Variants in ROBO2 observed in about 807,000 individuals in gnomAD.
ROBO2 encodes the protein roundabout homolog 2.
ROBO2 carries 53 observed loss-of-function variants against 160.8 expected under a neutral mutation model. The ratio of observed to expected loss-of-function variants is 0.33; its 90% CI spans 0.26 to 0.41. The LOEUF is 0.41. Ranked by LOEUF, ROBO2 falls within the 10% of genes least tolerant of loss-of-function variation. The pLI is 1.00. For missense variants in ROBO2, 1,577 were observed against 1,722.4 expected, an observed-to-expected ratio of 0.92 and a Z score of 1.49; for synonymous variants, 664 against 611.7, an observed-to-expected ratio of 1.09 and a Z score of -1.26.
At chr3:76,428,185 C>T (rs1453734927) in intron 2 of ROBO2, among the ~76,000 whole-genome samples, 2 of 152,022 alleles carry the variant, frequency 1.3e-5, no homozygotes, top group South Asian at 2.1e-4. Context: ...TCCATCTGCC[C>T]ACATACCTGA....
intron 2 of ROBO2, among the ~76,000 whole-genome samples, chr3:76,001,719 A>C (rs2065894260): frequency 6.6e-6 from 1 of 152,050 alleles, no homozygotes; most frequent in Admixed American, 6.6e-5. Flanking sequence ...AATTGTTTAT[A>C]TTTTTAGTAG....
At chr3:76,584,771 A>C (rs1282395468) in intron 2 of ROBO2, among the ~76,000 whole-genome samples, 2 of 152,028 alleles carry the variant, frequency 1.3e-5, no homozygotes, top group African/African-American at 4.8e-5. Flanking sequence ...ACCATCCACC[A>C]CCTGGCCTTG....
chr3:77,544,629 A>G (rs2092624811), intron 6 of ROBO2, among the ~76,000 whole-genome samples: 1 of 152,092 alleles, frequency 6.6e-6, no homozygotes, highest in Non-Finnish European at 1.5e-5. Flanking sequence ...GGGCTGATCT[A>G]CGTTTACCCC....
intron 2 of ROBO2, among the ~76,000 whole-genome samples, chr3:76,633,354 A>T (rs1242714615): frequency 6.6e-6 from 1 of 152,186 alleles, no homozygotes; most frequent in Non-Finnish European, 1.5e-5. Context: ...AGATCCCCTG[A>T]TATTTGTGAA....
intron 2 of ROBO2, among the ~76,000 whole-genome samples, chr3:77,153,272 T>G (rs1002527985): frequency 3.3e-5 from 5 of 152,168 alleles, no homozygotes; most frequent in Non-Finnish European, 5.9e-5. Context: ...ATATCGTTAC[T>G]GGTTATATGT....
At chr3:76,794,722 G>A (rs1373040925) in intron 2 of ROBO2, among the ~76,000 whole-genome samples, 4 of 151,930 alleles carry the variant, frequency 2.6e-5, no homozygotes, top group African/African-American at 4.8e-5. Context: ...TTCTGGTGTC[G>A]ATCTATTTAA....
chr3:76,986,060 C>A (rs1272180975), intron 2 of ROBO2, among the ~76,000 whole-genome samples: 2 of 152,118 alleles, frequency 1.3e-5, no homozygotes, highest in Non-Finnish European at 2.9e-5. Context: ...GCATTTAAAG[C>A]AGATTTATAT....
At chr3:76,562,898 CCCTT>C (rs892628122) in intron 2 of ROBO2, among the ~76,000 whole-genome samples, 44 of 152,126 alleles carry the variant, frequency 2.9e-4, no homozygotes, top group East Asian at 3.9e-4. Flanking sequence ...TGTGCTCTCT[CCCTT>C]CCTTCCTTCC....
chr3:77,610,426 C>A (rs1451025985), intron 21 of ROBO2, among the ~76,000 whole-genome samples: 1 of 152,002 alleles, frequency 6.6e-6, no homozygotes, highest in African/African-American at 2.4e-5. Context: ...TAAGCCCTAG[C>A]TGAGCAATGT....
rs138606942 is a variant in ROBO2, at chr3:77,296,308, G to T, written c.389-181106G>T. On this transcript the variant is annotated intron_variant, in intron 2 of 25. Transcript: ENST00000461745. ...ATCACCCCAGACATAAAGTAAAATTGATGGTTAAACGGGCAAGCTGAGGCT... is the reference window on the plus strand; with the variant it reads ...ATCACCCCAGACATAAAGTAAAATTTATGGTTAAACGGGCAAGCTGAGGCT... Among the ~76,000 whole-genome samples, 749 of 152,178 alleles carry T rather than the reference G, an allele frequency of 4.9e-3. 5 individuals carry two copies. The highest frequency in any genetic ancestry group is 0.017 in the African/African-American group (718 of 41,530).
Position 76,260,166 on chromosome 3 carries a change from A to G in ROBO2, c.109+322564A>G, listed in dbSNP as rs184721786. ...GCTGGTCCAGGTGAGGAGCAAGGAT[A>G]AGTGTATGCGGAATCCCAGTGCTGA... On this transcript the variant is annotated intron_variant, in intron 2 of 26. Coordinates refer to the ROBO2 transcript ENST00000487694. Among the ~76,000 whole-genome samples, 229 of 152,272 alleles carry G rather than the reference A, an allele frequency of 1.5e-3. 1 individual carries two copies. Among genetic ancestry groups the G allele is most frequent in the African/African-American group, 5.4e-3 (223 of 41,570 alleles).
intron 19 of ROBO2, among the ~76,000 whole-genome samples, chr3:77,599,193 A>G (rs182090367): frequency 5.9e-4 from 89 of 151,864 alleles, no homozygotes; most frequent in African/African-American, 2.1e-3. Flanking sequence ...AATACTGTTA[A>G]AATTTTTTGT....
At chr3:76,717,069 A>G (rs2093391671) in intron 2 of ROBO2, among the ~76,000 whole-genome samples, 1 of 152,174 alleles carries the variant, frequency 6.6e-6, no homozygotes, top group Non-Finnish European at 1.5e-5. Flanking sequence ...TATCTGGCGT[A>G]AGTTTTGTAG....
rs369099644 is a variant in ROBO2 at position 77,219,434 on chromosome 3, G to GTATATATATA, written c.388+121110_388+121119dup. ...TCATCTTGACTGTGTGTATGTGTGT[G>GTATATATATA]TATATATATATATATATATATATAT... is the stretch of plus-strand genomic sequence containing the variant. On this transcript the variant is annotated intron_variant, in intron 2 of 25. Coordinates refer to ENST00000461745, the Ensembl canonical transcript of ROBO2. Among the ~76,000 whole-genome samples, 728 of 115,198 alleles carry GTATATATATA rather than the reference G, an allele frequency of 6.3e-3. 10 individuals carry two copies. Among genetic ancestry groups the GTATATATATA allele is most frequent in the East Asian group, 0.028 (108 of 3,870 alleles). 75.6% of individuals were successfully genotyped at this position (115,198 alleles called of 152,430 possible). A position where few individuals can be genotyped will look rare whatever the true frequency, so the allele number is the denominator to read the frequency against.
At chr3:76,546,431 C>T (rs187939456) in intron 2 of ROBO2, among the ~76,000 whole-genome samples, 37 of 151,808 alleles carry the variant, frequency 2.4e-4, no homozygotes, top group African/African-American at 8.9e-4. Flanking sequence ...TTAGTTTGCA[C>T]GGCAAAGAGA....
chr3:77,222,437 T>A (rs2085947316), intron 2 of ROBO2, among the ~76,000 whole-genome samples: 1 of 152,160 alleles, frequency 6.6e-6, no homozygotes, highest in African/African-American at 2.4e-5. Context: ...TCAGAAGAAC[T>A]GAGTAATAAG....
intron 2 of ROBO2, among the ~76,000 whole-genome samples, chr3:76,543,411 A>C (rs1187406781): frequency 6.6e-6 from 1 of 152,156 alleles, no homozygotes; most frequent in Middle Eastern, 3.2e-3. Context: ...GTAAGGACAC[A>C]GCAGGAAGCT....
chr3:76,914,083 C>T (rs968779777), intron 2 of ROBO2, among the ~76,000 whole-genome samples: 1 of 152,154 alleles, frequency 6.6e-6, no homozygotes, highest in African/African-American at 2.4e-5. Flanking sequence ...TAGCAATGCA[C>T]TTTTGCAAAT....
intron 2 of ROBO2, among the ~76,000 whole-genome samples, chr3:76,415,940 A>C (rs1393082085): frequency 6.6e-6 from 1 of 152,194 alleles, no homozygotes; most frequent in Non-Finnish European, 1.5e-5. Flanking sequence ...GTTAAAATGA[A>C]TTTTTCATGG....
Sources: gnomAD v4.1 joint callset for allele counts (sites outside exome capture counted in the v4.1 genomes callset) on GRCh38, gnomAD v4.1.1 for gene constraint, MANE v1.5 for transcripts, NCBI Gene and HGNC (gene_info 2026-07-23, HGNC 2026-07-21) for gene names.